Variants in BCAS1 observed in about 807,000 individuals in gnomAD.
BCAS1 encodes the protein brain enriched myelin associated protein 1.
Under a neutral mutation model 65.4 loss-of-function variants are expected in BCAS1, and 46 were observed. The ratio of observed to expected loss-of-function variants is 0.70; its 90% CI spans 0.55 to 0.90. The LOEUF (loss-of-function observed/expected upper bound fraction) is 0.90. Ranked by LOEUF, BCAS1 falls within the 40% of genes least tolerant of loss-of-function variation. The pLI, the probability that BCAS1 is intolerant of heterozygous loss-of-function variation, is 0.00. For synonymous variants in BCAS1, 298 were observed against 293.5 expected (o/e 1.02, Z -0.16); for missense variants, 793 against 771.2 (o/e 1.03, Z -0.33).
Position 53,996,064 on chromosome 20 carries a change from A to G in BCAS1, c.724-14T>C, listed in dbSNP as rs745601564. 8 of 1,561,004 alleles carry G rather than the reference A, an allele frequency of 5.1e-6. No homozygotes were observed. The African/African-American group carries it at 8.3e-5, about 16-fold the overall frequency. On this transcript the variant is annotated splice_polypyrimidine_tract_variant and intron_variant, in intron 4 of 12. Transcript: ENST00000688948. ...GTCAACTATGTCCTAGGGGCAAAAC[A>G]GTTGTCACAGTTGCCACTTGCTGAA...
intron 4 of BCAS1, among the ~76,000 whole-genome samples, chr20:54,001,525 T>C (rs2085780194): frequency 6.6e-6 from 1 of 152,152 alleles, no homozygotes; most frequent in Non-Finnish European, 1.5e-5. Context: ...AATATTGGTG[T>C]TTGAGATATT....
intron 12 of BCAS1, among the ~76,000 whole-genome samples, chr20:53,948,893 C>T (rs1035896151): frequency 2.6e-5 from 4 of 152,226 alleles, no homozygotes; most frequent in African/African-American, 9.6e-5. Flanking sequence ...ACTGCCCGCT[C>T]TTTCCAACCC....
At chr20:54,064,979 C>T (rs1285821934) in intron 1 of BCAS1, among the ~76,000 whole-genome samples, 1 of 151,990 alleles carries the variant, frequency 6.6e-6, no homozygotes, top group Non-Finnish European at 1.5e-5. Flanking sequence ...TGGTACCGTG[C>T]GAAGGGGTAA....
At chr20:53,980,616 G>A (rs2090452756) in intron 8 of BCAS1, among the ~76,000 whole-genome samples, 1 of 152,188 alleles carries the variant, frequency 6.6e-6, no homozygotes, top group Non-Finnish European at 1.5e-5. Flanking sequence ...CTAATAAACT[G>A]TTGCTTTTAC....
chr20:53,991,085 C>G (rs894476390), intron 7 of BCAS1, among the ~76,000 whole-genome samples: 3 of 152,302 alleles, frequency 2.0e-5, no homozygotes, highest in Admixed American at 1.3e-4. Context: ...AAGTGAATGT[C>G]ATAATGAAAG....
At chr20:54,028,368 G>A in intron 4 of BCAS1, 24 bp downstream of exon 4, 2 of 1,613,564 alleles carry the variant, frequency 1.2e-6, no homozygotes, top group Non-Finnish European at 1.7e-6. Context: ...TCAGAACCAA[G>A]TGGATACACC....
chr20:53,992,749 T>G lies in BCAS1; in HGVS notation c.928-103A>C. The G allele has an allele frequency of 4.4e-6, 5 of 1,136,496 alleles. No homozygotes were observed. In the South Asian group the frequency reaches 6.7e-5, roughly 15 times the overall value. 70.4% of individuals were successfully genotyped at this position (1,136,496 alleles called of 1,614,324 possible). A position where few individuals can be genotyped will look rare whatever the true frequency, so the allele number is the denominator to read the frequency against. ...GCATTAATACGCTGTGACAATTAACTGTTGGTACACCATCCCCTCTTCTAA... is the reference window on the plus strand; with the variant it reads ...GCATTAATACGCTGTGACAATTAACGGTTGGTACACCATCCCCTCTTCTAA... On this transcript the variant is annotated intron_variant, in intron 6 of 12. Coordinates refer to ENST00000688948, the MANE Select transcript of BCAS1 (RefSeq NM_001366298.2).
chr20:53,980,254 C>G (rs2299727), intron 8 of BCAS1, among the ~76,000 whole-genome samples: 2,431 of 152,276 alleles, frequency 0.016, 54 homozygotes, highest in East Asian at 0.098. Flanking sequence ...GATAAATGTT[C>G]TTTTAACTTG....
chr20:54,020,902 G>A (rs562948118), intron 4 of BCAS1, among the ~76,000 whole-genome samples: 2 of 152,332 alleles, frequency 1.3e-5, no homozygotes, highest in African/African-American at 4.8e-5. Context: ...GTATGCGCAT[G>A]TATATCAGCT....
At position 54,028,914 on chromosome 20, in the gene BCAS1, C is replaced by T. The variant is rs779175654; in HGVS notation, c.201G>A (p.Thr67=). 8.1e-6 allele frequency: 13 copies of T among 1,614,038 alleles called. No homozygotes were observed. Among genetic ancestry groups the T allele is most frequent in the South Asian group, 1.1e-5 (1 of 91,072 alleles). ...DNVATSSPET[T]EISAVADANG... is the part of the protein sequence containing the mutation. ...TGGCATCCGCAACAGCACTTATCTCCGTTGTCTCGGGGGAAGAAGTGGCCA... is the reference window on the plus strand; with the variant it reads ...TGGCATCCGCAACAGCACTTATCTCTGTTGTCTCGGGGGAAGAAGTGGCCA... Residue 67 remains threonine (T), a synonymous_variant, in exon 4 of 13, where the codon ACG becomes ACA. Coordinates refer to ENST00000688948, the MANE Select transcript of BCAS1 (RefSeq NM_001366298.2).
At chr20:54,027,400 G>A (rs1402729822) in intron 4 of BCAS1, among the ~76,000 whole-genome samples, 1 of 152,156 alleles carries the variant, frequency 6.6e-6, no homozygotes, top group Admixed American at 6.5e-5. Context: ...CTGGCACATT[G>A]AACATTTTCA....
Position 54,028,865 on chromosome 20 carries a change from C to A in BCAS1, c.250G>T (p.Ala84Ser), listed in dbSNP as rs186353345. ...DANGKNLGKE[A>S]KPEAPAAKSR... ...TTAGCAGCTGGTGCCTCGGGTTTGG[C>A]CTCTTTCCCAAGATTCTTTCCGTTG... Residue 84 changes from alanine (A) to serine (S), a missense_variant, in exon 4 of 13, where the codon GCC (alanine) becomes TCC (serine). Coordinates refer to ENST00000688948, the MANE Select transcript of BCAS1 (RefSeq NM_001366298.2). The A allele has an allele frequency of 1.2e-5, 20 of 1,613,950 alleles. No individual in the cohort carries two copies. The highest frequency in any genetic ancestry group is 5.0e-5 in the Admixed American group (3 of 59,990).
intron 4 of BCAS1, among the ~76,000 whole-genome samples, chr20:54,022,963 T>G (rs1047903588): frequency 5.3e-5 from 8 of 152,242 alleles, no homozygotes; most frequent in Non-Finnish European, 2.9e-5. Flanking sequence ...CCTTGTTTAC[T>G]CCAAAACTTG....
At chr20:53,975,004 T>C (rs932509301) in intron 9 of BCAS1, among the ~76,000 whole-genome samples, 1 of 152,146 alleles carries the variant, frequency 6.6e-6, no homozygotes, top group Non-Finnish European at 1.5e-5. Flanking sequence ...CGCCCAAAGT[T>C]AGTAAGAAGC....
intron 3 of BCAS1, among the ~76,000 whole-genome samples, chr20:54,033,890 A>G (rs897325357): frequency 6.6e-6 from 1 of 151,422 alleles, no homozygotes; most frequent in South Asian, 2.1e-4. Flanking sequence ...CAATGCAAAA[A>G]TCCTCAATAA....
chr20:53,988,588 C>A (rs2090674814), intron 7 of BCAS1, among the ~76,000 whole-genome samples: 1 of 152,156 alleles, frequency 6.6e-6, no homozygotes, highest in South Asian at 2.1e-4. Context: ...ATACAAAGTG[C>A]AATGATTAAA....
chr20:53,980,868 C>A (rs1205767434), intron 8 of BCAS1, among the ~76,000 whole-genome samples: 1 of 152,174 alleles, frequency 6.6e-6, no homozygotes, highest in Non-Finnish European at 1.5e-5. Context: ...CCAGGAATAT[C>A]ATTTTTCAAT....
At chr20:53,983,411 T>C (rs1378014632) in intron 8 of BCAS1, among the ~76,000 whole-genome samples, 1 of 152,188 alleles carries the variant, frequency 6.6e-6, no homozygotes. Flanking sequence ...ATCATTTGCA[T>C]CTTACAAGTG....
chr20:53,956,474 G>T (rs1285258813), intron 11 of BCAS1, among the ~76,000 whole-genome samples: 1 of 152,208 alleles, frequency 6.6e-6, no homozygotes, highest in Non-Finnish European at 1.5e-5. Flanking sequence ...TGTTATGGCA[G>T]CCCGTGCTGA....
Sources: gnomAD v4.1 joint callset for allele counts (sites outside exome capture counted in the v4.1 genomes callset) on GRCh38, gnomAD v4.1.1 for gene constraint, MANE v1.5 for transcripts, NCBI Gene and HGNC (gene_info 2026-07-23, HGNC 2026-07-21) for gene names.